The following ASAP1 variants were observed in gnomAD, a reference collection of about 807,000 sequenced individuals.
ASAP1 encodes ArfGAP with SH3 domain, ankyrin repeat and PH domain 1.
A neutral mutation model predicts 145.2 loss-of-function variants in ASAP1; 43 were observed. The ratio of observed to expected loss-of-function variants is 0.30; its 90% CI spans 0.23 to 0.38. The LOEUF is 0.38. Among genes scored for constraint, ASAP1 ranks in the 10% least tolerant of loss-of-function variants. The pLI is 1.00. For missense variants in ASAP1, 1,018 were observed against 1,355.3 expected, an observed-to-expected ratio of 0.75 and a Z score of 3.91; for synonymous variants, 546 against 515.5, an observed-to-expected ratio of 1.06 and a Z score of -0.80.
chr8:130,259,263 C>T (rs1384028896), intron 3 of ASAP1, among the ~76,000 whole-genome samples: 1 of 152,190 alleles, frequency 6.6e-6, no homozygotes, highest in Non-Finnish European at 1.5e-5. Flanking sequence ...TCTTTATTTG[C>T]TCCCAACAAG....
intron 24 of ASAP1, among the ~76,000 whole-genome samples, chr8:130,108,596 C>T (rs1367656495): frequency 5.3e-5 from 8 of 151,990 alleles, no homozygotes; most frequent in South Asian, 2.1e-4. Flanking sequence ...GTCAGGAGTT[C>T]GTGACCAGCC....
intron 19 of ASAP1, 109 bp from the exon 20 acceptor site, chr8:130,118,355 C>G (rs1314153776): frequency 6.8e-6 from 9 of 1,322,950 alleles, no homozygotes; most frequent in Non-Finnish European, 8.4e-6. Flanking sequence ...CCTCTTCACT[C>G]TCATATTCTC....
chr8:130,345,102 T>C (rs1197817075), intron 3 of ASAP1, among the ~76,000 whole-genome samples: 1 of 152,188 alleles, frequency 6.6e-6, no homozygotes, highest in Non-Finnish European at 1.5e-5. Flanking sequence ...CGTTTCCTCA[T>C]CTGTCAAATG....
chr8:130,057,667 C>G (rs1592705890), intron 29 of ASAP1, among the ~76,000 whole-genome samples: 2 of 152,314 alleles, frequency 1.3e-5, no homozygotes, highest in South Asian at 2.1e-4. Flanking sequence ...CCAGGCTGGT[C>G]TCGAACTCCC....
intron 13 of ASAP1, among the ~76,000 whole-genome samples, chr8:130,138,979 T>C (rs375932762): frequency 6.6e-6 from 1 of 152,322 alleles, no homozygotes; most frequent in African/African-American, 2.4e-5. Context: ...TTTTTGGATG[T>C]TGATAAAATT....
chr8:130,153,359 G>GTATATATATATATATATATATGTA (rs2097651376), intron 12 of ASAP1, among the ~76,000 whole-genome samples: 8 of 28,928 alleles, frequency 2.8e-4, no homozygotes, highest in Non-Finnish European at 5.9e-4. Flanking sequence ...ATATATATAT[G>GTATATATATATATATATATATGTA]TATATATATA....
At chr8:130,197,117 T>C (rs1038719477) in intron 5 of ASAP1, among the ~76,000 whole-genome samples, 8 of 152,204 alleles carry the variant, frequency 5.3e-5, no homozygotes, top group Non-Finnish European at 1.2e-4. Context: ...CATGCCAGTG[T>C]CAGTGGATCG....
intron 24 of ASAP1, among the ~76,000 whole-genome samples, chr8:130,109,054 C>T (rs901990379): frequency 6.6e-6 from 1 of 152,086 alleles, no homozygotes; most frequent in Admixed American, 6.6e-5. Flanking sequence ...GGATTATAGG[C>T]GTAAGCCACC....
intron 3 of ASAP1, among the ~76,000 whole-genome samples, chr8:130,338,423 A>G (rs1430958856): frequency 6.6e-6 from 1 of 152,206 alleles, no homozygotes. Context: ...AGTATTCAAC[A>G]AAGAACAGCC....
intron 4 of ASAP1, among the ~76,000 whole-genome samples, chr8:130,219,811 C>A (rs1242174987): frequency 1.3e-5 from 2 of 152,198 alleles, no homozygotes; most frequent in African/African-American, 2.4e-5. Flanking sequence ...GATGTTGAGA[C>A]AAGGTCTTGC....
At chr8:130,157,328 G>A (rs902820409) in intron 12 of ASAP1, among the ~76,000 whole-genome samples, 9 of 152,132 alleles carry the variant, frequency 5.9e-5, no homozygotes, top group Non-Finnish European at 1.3e-4. Context: ...GATGCTGGAC[G>A]AGGGGTGATT....
chr8:130,202,999 G>C (rs1815968083), intron 5 of ASAP1, among the ~76,000 whole-genome samples: 1 of 152,018 alleles, frequency 6.6e-6, no homozygotes, highest in African/African-American at 2.4e-5. Context: ...AAGAAAAGGG[G>C]AAGTGGCAAC....
intron 27 of ASAP1, among the ~76,000 whole-genome samples, chr8:130,062,106 A>G (rs548932329): frequency 6.6e-6 from 1 of 152,310 alleles, no homozygotes; most frequent in East Asian, 1.9e-4. Context: ...TACTACCATC[A>G]CTGTTAGGGT....
At chr8:130,158,510 T>C (rs2097662508) in intron 12 of ASAP1, among the ~76,000 whole-genome samples, 1 of 152,130 alleles carries the variant, frequency 6.6e-6, no homozygotes, top group African/African-American at 2.4e-5. Context: ...AGCAAGGTCC[T>C]GTCCCCTCCC....
Position 130,102,689 on chromosome 8 carries a change from T to TTTGA in ASAP1, c.2401+9401_2401+9404dup, listed in dbSNP as rs763871393. On this transcript the variant is annotated intron_variant, in intron 24 of 29. Coordinates refer to ENST00000518721, the MANE Select transcript of ASAP1 (RefSeq NM_018482.4). ...AATTGGTGCTAGTTTTTCTTTACTA[T>TTTGA]TTGATTGATTGATTGAGACAGGGTC... Among the ~76,000 whole-genome samples the TTTGA allele has an allele frequency of 7.9e-5, 12 of 152,272 alleles. No homozygotes were observed. The South Asian group carries it at 8.3e-4, about 11-fold the overall frequency.
chr8:130,118,396 G>T, intron 19 of ASAP1, 93 bp downstream of exon 19: 1 of 1,402,892 alleles, frequency 7.1e-7, no homozygotes, highest in Non-Finnish European at 9.8e-7. Flanking sequence ...CAATGTATAA[G>T]AATCTCATTA....
At chr8:130,085,707 C>T (rs1564941664) in intron 25 of ASAP1, among the ~76,000 whole-genome samples, 2 of 136,412 alleles carry the variant, frequency 1.5e-5, no homozygotes, top group Non-Finnish European at 1.5e-5. Context: ...TGTACTCCAG[C>T]CTAAGCGACA....
intron 3 of ASAP1, among the ~76,000 whole-genome samples, chr8:130,302,213 T>C (rs549897748): frequency 9.6e-4 from 147 of 152,356 alleles, no homozygotes; most frequent in African/African-American, 3.4e-3. Context: ...TAAAAAGGCA[T>C]TGATTGTCCA....
At chr8:130,267,025 C>T (rs1199348149) in intron 3 of ASAP1, among the ~76,000 whole-genome samples, 3 of 150,636 alleles carry the variant, frequency 2.0e-5, no homozygotes, top group Non-Finnish European at 4.4e-5. Context: ...CAGGTACCGC[C>T]GCCACCCACC....
Sources: gnomAD v4.1 joint callset for allele counts (sites outside exome capture counted in the v4.1 genomes callset) on GRCh38, gnomAD v4.1.1 for gene constraint, MANE v1.5 for transcripts, NCBI Gene and HGNC (gene_info 2026-07-23, HGNC 2026-07-21) for gene names.